The following MRPL13 variants were observed in gnomAD, a reference collection of about 807,000 sequenced individuals.
MRPL13 encodes large ribosomal subunit protein uL13m.
In MRPL13, 33 loss-of-function variants were observed where a neutral mutation model predicts 29.0. That is an observed-to-expected ratio of 1.14 (90% CI 0.86 to 1.52). The LOEUF (loss-of-function observed/expected upper bound fraction) is 1.52. Ranked by LOEUF, MRPL13 falls within the 40% of genes most tolerant of loss-of-function variation. The probability of loss-of-function intolerance (pLI) is 0.00; values close to 1 mark genes in which losing one functional copy is unlikely to be tolerated. For missense variants in MRPL13, 227 were observed against 216.7 expected, an observed-to-expected ratio of 1.05 and a Z score of -0.30; for synonymous variants, 77 against 68.4, an observed-to-expected ratio of 1.13 and a Z score of -0.62.
intron 5 of MRPL13, chr8:120,415,233 T>TATCA (rs1812790193): frequency 1.3e-5 from 2 of 152,160 alleles, no homozygotes; most frequent in South Asian, 4.2e-4. Flanking sequence ...AACGGTAAGA[T>TATCA]ATCAGTATGG....
intron 5 of MRPL13, among the ~76,000 whole-genome samples, chr8:120,417,314 C>A (rs944480425): frequency 3.3e-5 from 5 of 152,142 alleles, no homozygotes; most frequent in African/African-American, 1.2e-4. Flanking sequence ...ATTCCCATCA[C>A]AAATAATTGA....
chr8:120,416,212 T>C (rs1186653086), intron 5 of MRPL13: 1 of 152,210 alleles, frequency 6.6e-6, no homozygotes, highest in East Asian at 1.9e-4. Context: ...GAGTTCTCTT[T>C]GGCCGGGCAC....
At chr8:120,425,266 T>C in intron 4 of MRPL13, 40 bp downstream of exon 4, 1 of 1,486,396 alleles carries the variant, frequency 6.7e-7, no homozygotes, top group Non-Finnish European at 9.4e-7. Flanking sequence ...TCTGAATTGG[T>C]CTTTCCAAAG....
intron 6 of MRPL13, 85 bp downstream of exon 6, chr8:120,413,906 G>A (rs549943791): frequency 2.5e-5 from 34 of 1,364,540 alleles, no homozygotes; most frequent in Admixed American, 1.4e-4. Flanking sequence ...CACTCTTCCC[G>A]CCCTCAAGGA....
chr8:120,437,056 G>A (rs1057512038), intron 2 of MRPL13, among the ~76,000 whole-genome samples: 2 of 152,080 alleles, frequency 1.3e-5, no homozygotes, highest in Admixed American at 1.3e-4. Flanking sequence ...ACTTCCAAAG[G>A]AGATACGTAT....
intron 6 of MRPL13, among the ~76,000 whole-genome samples, chr8:120,413,721 C>T (rs2130461681): frequency 6.6e-6 from 1 of 152,144 alleles, no homozygotes; most frequent in South Asian, 2.1e-4. Context: ...TATATCATTC[C>T]TAAAGACTAC....
intron 6 of MRPL13, among the ~76,000 whole-genome samples, chr8:120,398,880 A>G (rs141103462): frequency 6.6e-6 from 1 of 152,140 alleles, no homozygotes; most frequent in South Asian, 2.1e-4. Flanking sequence ...ATAGCAGAAT[A>G]GACCAAGTAT....
intron 6 of MRPL13, among the ~76,000 whole-genome samples, chr8:120,402,617 G>C (rs1434209718): frequency 6.6e-6 from 1 of 152,130 alleles, no homozygotes; most frequent in Non-Finnish European, 1.5e-5. Flanking sequence ...AATTTCAAAA[G>C]CAATTACAAC....
intron 2 of MRPL13, among the ~76,000 whole-genome samples, chr8:120,441,415 A>G (rs1813122420): frequency 1.3e-5 from 2 of 152,106 alleles, no homozygotes; most frequent in Admixed American, 1.3e-4. Flanking sequence ...CGCACTTCCA[A>G]TTTTTGGTGA....
At chr8:120,441,489 C>T (rs1813123332) in intron 2 of MRPL13, among the ~76,000 whole-genome samples, 2 of 152,012 alleles carry the variant, frequency 1.3e-5, no homozygotes. Context: ...GGAGAAGAAA[C>T]AGGGAAACAA....
At chr8:120,399,097 C>A (rs991620923) in intron 6 of MRPL13, among the ~76,000 whole-genome samples, 3 of 152,114 alleles carry the variant, frequency 2.0e-5, no homozygotes, top group African/African-American at 7.2e-5. Flanking sequence ...GAGAACTTCC[C>A]CAACCTAGCA....
chr8:120,396,453 C>CTT (rs1812525680), intron 6 of MRPL13, among the ~76,000 whole-genome samples: 1 of 152,026 alleles, frequency 6.6e-6, no homozygotes, highest in African/African-American at 2.4e-5. Context: ...GAAAAGATTA[C>CTT]TATAATCTTT....
At chr8:120,437,114 GAT>G (rs1813063503) in intron 2 of MRPL13, among the ~76,000 whole-genome samples, 1 of 152,146 alleles carries the variant, frequency 6.6e-6, no homozygotes, top group Admixed American at 6.5e-5. Flanking sequence ...TTTGTAGGAT[GAT>G]ATTCTAGGAG....
chr8:120,424,517 G>A (rs1310099884), intron 4 of MRPL13, among the ~76,000 whole-genome samples: 1 of 152,074 alleles, frequency 6.6e-6, no homozygotes, highest in African/African-American at 2.4e-5. Flanking sequence ...TGTAATCCCA[G>A]CACTTGGGAG....
At chr8:120,437,512 A>G (rs1586928380) in intron 2 of MRPL13, among the ~76,000 whole-genome samples, 1 of 152,352 alleles carries the variant, frequency 6.6e-6, no homozygotes, top group African/African-American at 2.4e-5. Flanking sequence ...TGAAAGGAGT[A>G]GAATCCTCAT....
At position 120,419,953 on chromosome 8, in the gene MRPL13, T is replaced by C. The variant is rs187600078; in HGVS notation, c.307-15A>G. ...AGTTTTACAATCTGAAAGATATACA[T>C]AGGACACAATAAGAAAATTGTGACT... On this transcript the variant is annotated splice_polypyrimidine_tract_variant and intron_variant, in intron 4 of 6. Transcript: ENST00000306185. 1,013 of 1,504,106 alleles carry C rather than the reference T, an allele frequency of 6.7e-4. 1 individual carries two copies. The highest frequency in any genetic ancestry group is 1.2e-3 in the East Asian group (51 of 42,416). 93.2% of individuals were successfully genotyped at this position (1,504,106 alleles called of 1,614,324 possible).
chr8:120,400,064 T>C (rs1376220609), intron 6 of MRPL13, among the ~76,000 whole-genome samples: 3 of 152,082 alleles, frequency 2.0e-5, no homozygotes, highest in Non-Finnish European at 4.4e-5. Flanking sequence ...CTGACAATAT[T>C]TGACAGATCA....
At chr8:120,439,530 A>G (rs1813093337) in intron 2 of MRPL13, among the ~76,000 whole-genome samples, 1 of 152,186 alleles carries the variant, frequency 6.6e-6, no homozygotes, top group Non-Finnish European at 1.5e-5. Context: ...TTCCCCCCAG[A>G]AGCAATGGTT....
intron 5 of MRPL13, among the ~76,000 whole-genome samples, chr8:120,418,505 TC>T (rs994922095): frequency 3.3e-5 from 5 of 151,992 alleles, no homozygotes; most frequent in African/African-American, 1.2e-4. Flanking sequence ...TGTGCCTGTT[TC>T]CCCCATCGGC....
Sources: gnomAD v4.1 joint callset for allele counts (sites outside exome capture counted in the v4.1 genomes callset) on GRCh38, gnomAD v4.1.1 for gene constraint, MANE v1.5 for transcripts, NCBI Gene and HGNC (gene_info 2026-07-23, HGNC 2026-07-21) for gene names.